SFXN3: variants seen among roughly 807,000 people sequenced by gnomAD.
SFXN3 encodes sideroflexin-3.
SFXN3 carries 31 observed loss-of-function variants against 40.4 expected under a neutral mutation model. The ratio of observed to expected loss-of-function variants is 0.77; its 90% CI spans 0.58 to 1.04. The LOEUF (loss-of-function observed/expected upper bound fraction) is 1.04. SFXN3 is among the 50% of genes least tolerant of loss of function. SFXN3 has a pLI of 0.00. For synonymous variants in SFXN3, 157 were observed against 160.0 expected, an observed-to-expected ratio of 0.98 and a Z score of 0.14; for missense variants, 366 against 408.2, an observed-to-expected ratio of 0.90 and a Z score of 0.89.
exon 12 of SFXN3, chr10:101,040,112 G>C (rs908717206): frequency 6.4e-6 from 1 of 155,924 alleles, no homozygotes; most frequent in Non-Finnish European, 1.4e-5. Context: ...CTGATACCTA[G>C]CTCCCCAAGC....
intron 3 of SFXN3, 127 bp downstream of exon 3, chr10:101,034,982 C>T (rs1938519964): frequency 1.6e-6 from 2 of 1,253,250 alleles, no homozygotes; most frequent in Non-Finnish European, 1.1e-6. Context: ...CTCTCTAGCC[C>T]CGTCTGTTGG....
chr10:101,039,187 A>G lies in SFXN3; in HGVS notation c.834A>G (p.Ala278=), dbSNP rs1360778486. Residue 278 remains alanine (A), a synonymous_variant, in exon 11 of 12, where the codon GCA becomes GCG. Coordinates refer to ENST00000393459, the Ensembl canonical transcript of SFXN3. The surrounding 1 kb of genome is among the most constrained non-coding windows in gnomAD (Gnocchi z 4.6). ...TTGTCTCCCCCAGCCTGGTATTTGC[A>G]ACCCCCCTGTGCTGTGCCCTATTCC... is the stretch of plus-strand genomic sequence containing the variant. 6.2e-7 allele frequency: 1 copy of G among 1,611,600 alleles called. No individual in the cohort carries two copies.
chr10:101,034,617 G>C, intron 2 of SFXN3, 75 bp from the exon 3 acceptor site: 1 of 1,531,520 alleles, frequency 6.5e-7, no homozygotes, highest in Non-Finnish European at 8.9e-7. Context: ...CCAGGGCAGG[G>C]GCACCAAAGA....
chr10:101,031,955 G>C (rs1398194993), intron 1 of SFXN3: 2 of 154,452 alleles, frequency 1.3e-5, no homozygotes, highest in African/African-American at 4.8e-5. Flanking sequence ...AGGAGCCCAG[G>C]GGGACAAGCA....
At chr10:101,038,316 T>G in intron 9 of SFXN3, 1 of 1,271,150 alleles carries the variant, frequency 7.9e-7, no homozygotes. Flanking sequence ...AAGAGGTAAG[T>G]GGAGGTTCAC....
chr10:101,039,708 T>G lies in SFXN3; in HGVS notation c.*123T>G, dbSNP rs1453570053. ...AGGGGCCTTGGTGGGCAGATGGCAATTGAGGGTAGCAACCTATTAGGGTGG... is the reference window on the plus strand; with the variant it reads ...AGGGGCCTTGGTGGGCAGATGGCAAGTGAGGGTAGCAACCTATTAGGGTGG... On this transcript the variant is annotated 3_prime_UTR_variant, in exon 12 of 12. Coordinates refer to ENST00000393459, the Ensembl canonical transcript of SFXN3. The surrounding 1 kb of genome is among the most constrained non-coding windows in gnomAD (Gnocchi z 4.6). The G allele has an allele frequency of 1.1e-6, 1 of 893,292 alleles. No homozygotes were observed. The highest frequency in any genetic ancestry group is 1.7e-5 in the African/African-American group (1 of 60,576). The allele number at this position is 893,292 out of a possible 1,614,324, so 55.3% of individuals were successfully genotyped here. A position where few individuals can be genotyped will look rare whatever the true frequency, so the allele number is the denominator to read the frequency against.
chr10:101,036,899 C>A lies in SFXN3; in HGVS notation c.593+91C>A. ...CACCTCAGAATGGGGACATCCCTCTCCCTCCCCAGACATGAGCTGCTGGGC... is the reference window on the plus strand; with the variant it reads ...CACCTCAGAATGGGGACATCCCTCTACCTCCCCAGACATGAGCTGCTGGGC... On this transcript the variant is annotated intron_variant, in intron 7 of 11. Transcript: ENST00000393459. This position sits in a 1 kb window ranked among gnomAD's most constrained non-coding sequence, Gnocchi z 4.2. 1 of 1,538,224 alleles carries A rather than the reference C, an allele frequency of 6.5e-7. No individual in the cohort carries two copies. Among genetic ancestry groups the A allele is most frequent in the Non-Finnish European group, 8.8e-7 (1 of 1,135,036 alleles).
At position 101,039,020 on chromosome 10, in the gene SFXN3, T is replaced by G. The variant is rs901173450; in HGVS notation, c.822-155T>G. 5.3e-5 allele frequency among the ~76,000 whole-genome samples: 8 copies of G among 152,170 alleles called. No individual in the cohort carries two copies. Among genetic ancestry groups the G allele is most frequent in the Non-Finnish European group, 2.9e-5 (2 of 68,018 alleles). On this transcript the variant is annotated intron_variant, in intron 10 of 11. Coordinates refer to ENST00000393459, the Ensembl canonical transcript of SFXN3. This position sits in a 1 kb window ranked among gnomAD's most constrained non-coding sequence, Gnocchi z 4.6. ...TGTGGGGCTCTCTTTCCTCAGAACC[T>G]GATGTCCAGGTTGGGTTTACTATTC...
At chr10:101,034,788 G>A (rs1393325393) in exon 3 of SFXN3, 1 of 1,614,014 alleles carries the variant, frequency 6.2e-7, no homozygotes, top group Non-Finnish European at 8.5e-7. Flanking sequence ...CACTGTTACT[G>A]ATCCTCGAAA....
At chr10:101,035,953 G>T in intron 4 of SFXN3, 50 bp from the exon 5 acceptor site, 1 of 1,520,264 alleles carries the variant, frequency 6.6e-7, no homozygotes. Flanking sequence ...GGGGTCTAAA[G>T]ATGAGGGCCA....
At chr10:101,038,647 G>A (rs538356053) in exon 10 of SFXN3, 32 of 1,613,604 alleles carry the variant, frequency 2.0e-5, no homozygotes, top group African/African-American at 1.9e-4. Context: ...CCACAGCGCC[G>A]CCCCTGGCTG....
chr10:101,035,111 G>A (rs747640291), intron 3 of SFXN3, among the ~76,000 whole-genome samples: 17 of 152,202 alleles, frequency 1.1e-4, no homozygotes, highest in Non-Finnish European at 2.4e-4. Context: ...ATCCCATTGC[G>A]GGGTCACCCT....
chr10:101,038,022 T>C, intron 9 of SFXN3: 2 of 291,246 alleles, frequency 6.9e-6, no homozygotes, highest in East Asian at 1.5e-4. Flanking sequence ...ATGTGCTTTG[T>C]AGGAAAGCAA....
chr10:101,035,753 G>A, intron 4 of SFXN3, 86 bp downstream of exon 4: 1 of 1,506,706 alleles, frequency 6.6e-7, no homozygotes, highest in Non-Finnish European at 9.0e-7. Flanking sequence ...GGCCAACTGG[G>A]TGAGTGAAAG....
At chr10:101,037,314 A>T in intron 8 of SFXN3, 68 bp from the exon 9 acceptor site, 2 of 1,613,898 alleles carry the variant, frequency 1.2e-6, no homozygotes, top group Non-Finnish European at 1.7e-6. Flanking sequence ...GAGGGGGGTC[A>T]CCCTTCACAG....
In SFXN3 at chr10:101,039,841, G is replaced by A. The variant is rs1938814258; in HGVS notation, c.*256G>A. On this transcript the variant is annotated 3_prime_UTR_variant, in exon 12 of 12. Transcript: ENST00000393459. This position sits in a 1 kb window ranked among gnomAD's most constrained non-coding sequence, Gnocchi z 4.6. ...ATGCATATACATACATGATACACAT[G>A]TGTATGTGTACATTGGGTCCTGAAA... 3.8e-6 allele frequency: 2 copies of A among 523,996 alleles called. No individual in the cohort carries two copies. The highest frequency in any genetic ancestry group is 6.3e-5 in the Admixed American group (2 of 31,536). The allele number at this position is 523,996 out of a possible 1,614,324, so 32.5% of individuals were successfully genotyped here.
At chr10:101,038,664 C>G (rs1221087915) in exon 10 of SFXN3, 1 of 1,612,966 alleles carries the variant, frequency 6.2e-7, no homozygotes, top group East Asian at 2.2e-5. Context: ...GCTGGGGGCA[C>G]CCCTGCAGGT....
At position 101,032,313 on chromosome 10, in the gene SFXN3, G is replaced by C. The variant is rs978828602; in HGVS notation, c.-172-1G>C. ...CCTCGAATGACACCCACCGCCCTCA[G>C]GTTCTGCCAATCCCCGTGCCCACCG... On this transcript the variant is annotated splice_acceptor_variant, in intron 1 of 11. Coordinates refer to ENST00000393459, the Ensembl canonical transcript of SFXN3. LOFTEE classifies it low-confidence loss of function (5UTR_SPLICE). 64 of 773,288 alleles carry C rather than the reference G, an allele frequency of 8.3e-5. No homozygotes were observed. Among genetic ancestry groups the C allele is most frequent in the Non-Finnish European group, 1.1e-4 (55 of 505,212 alleles). The allele number at this position is 773,288 out of a possible 1,614,324, so 47.9% of individuals were successfully genotyped here.
At chr10:101,032,254 G>C (rs1385875537) in intron 1 of SFXN3, 60 bp from the exon 2 acceptor site, 4 of 518,248 alleles carry the variant, frequency 7.7e-6, no homozygotes, top group Non-Finnish European at 1.4e-5. Flanking sequence ...AGCAGCTTAG[G>C]GCCTGGTCCA....
Sources: allele counts gnomAD v4.1 joint callset (sites outside exome capture counted in the v4.1 genomes callset), GRCh38; gene constraint gnomAD v4.1.1; non-coding constraint Gnocchi (gnomAD v3.1); transcripts MANE v1.5; gene names NCBI Gene and HGNC (gene_info 2026-07-23, HGNC 2026-07-21).